PLEKHA6: variants seen among roughly 807,000 people sequenced by gnomAD.
PLEKHA6 encodes the protein pleckstrin homology domain containing A6.
In PLEKHA6, 60 loss-of-function variants were observed where a neutral mutation model predicts 116.7. The ratio of observed to expected loss-of-function variants is 0.51; its 90% confidence interval spans 0.42 to 0.64. The LOEUF (loss-of-function observed/expected upper bound fraction) is 0.64, where lower values mean the gene tolerates loss of function less well. PLEKHA6 is among the 30% of genes least tolerant of loss of function. PLEKHA6 has a pLI of 0.00. For missense variants in PLEKHA6, 1,338 were observed against 1,422.7 expected, an observed-to-expected ratio of 0.94 and a Z score of 0.96; for synonymous variants, 489 against 556.1, an observed-to-expected ratio of 0.88 and a Z score of 1.70.
intron 9 of PLEKHA6, among the ~76,000 whole-genome samples, chr1:204,251,288 G>C (rs138856098): frequency 6.6e-6 from 1 of 152,200 alleles, no homozygotes. Flanking sequence ...GCGATCCCCA[G>C]CATGGCATGA....
chr1:204,351,950 T>G (rs1348836818), intron 1 of PLEKHA6, among the ~76,000 whole-genome samples: 1 of 152,218 alleles, frequency 6.6e-6, no homozygotes, highest in Non-Finnish European at 1.5e-5. Context: ...GGTGCATGTC[T>G]GTAATCCCAA....
At chr1:204,352,247 GC>G (rs2103367025) in intron 1 of PLEKHA6, among the ~76,000 whole-genome samples, 1 of 149,934 alleles carries the variant, frequency 6.7e-6, no homozygotes, top group African/African-American at 2.5e-5. Context: ...GGTGGCGCAT[GC>G]CTTGTAATCC....
At chr1:204,240,188 A>G (rs911988907) in intron 17 of PLEKHA6, among the ~76,000 whole-genome samples, 12 of 152,232 alleles carry the variant, frequency 7.9e-5, no homozygotes, top group African/African-American at 2.9e-4. Context: ...CCATTAGGGC[A>G]TCTCTTAGTA....
intron 1 of PLEKHA6, among the ~76,000 whole-genome samples, chr1:204,293,713 C>T (rs184104219): frequency 6.6e-6 from 1 of 152,124 alleles, no homozygotes; most frequent in African/African-American, 2.4e-5. Context: ...TTTTTGGCAC[C>T]CATTTGGCAA....
intron 1 of PLEKHA6, among the ~76,000 whole-genome samples, chr1:204,324,710 G>A (rs2103242091): frequency 6.6e-6 from 1 of 152,288 alleles, no homozygotes; most frequent in South Asian, 2.1e-4. Context: ...AGTCGATTAG[G>A]ATCCTGGTGT....
intron 1 of PLEKHA6, among the ~76,000 whole-genome samples, chr1:204,336,597 T>C (rs1376622559): frequency 1.3e-5 from 2 of 151,896 alleles, no homozygotes; most frequent in East Asian, 1.9e-4. Context: ...TGCACGCACA[T>C]ACATACACTG....
chr1:204,231,542 T>C (rs1661177880), intron 17 of PLEKHA6, among the ~76,000 whole-genome samples: 1 of 151,574 alleles, frequency 6.6e-6, no homozygotes, highest in African/African-American at 2.4e-5. Context: ...ACAGTTGTTA[T>C]CCTGTATTGT....
At chr1:204,241,332 C>T (rs887892491) in intron 17 of PLEKHA6, 43 bp downstream of exon 17, 6 of 1,259,768 alleles carry the variant, frequency 4.8e-6, no homozygotes, top group Admixed American at 3.6e-5. Flanking sequence ...CCCCTGGGCT[C>T]GCAGCCCAGC....
In PLEKHA6 at chr1:204,250,533, G is replaced by A; in HGVS notation, c.1593+13C>T. On this transcript the variant is annotated intron_variant, in intron 10 of 22. Coordinates refer to ENST00000272203, the MANE Select transcript of PLEKHA6 (RefSeq NM_014935.5). Reference sequence around the variant, plus strand: ...CTGGAGTGGAGGGAGGGAGCAGGGGGCGCTGCTCTTACATCTGTGTCTTGC... The same window carrying A: ...CTGGAGTGGAGGGAGGGAGCAGGGGACGCTGCTCTTACATCTGTGTCTTGC... 2 of 1,591,392 alleles carry A rather than the reference G, an allele frequency of 1.3e-6. No individual in the cohort carries two copies. The highest frequency in any genetic ancestry group is 1.1e-5 in the South Asian group (1 of 90,094).
intron 1 of PLEKHA6, among the ~76,000 whole-genome samples, chr1:204,310,097 G>GT (rs1671603184): frequency 6.6e-6 from 1 of 151,898 alleles, no homozygotes; most frequent in African/African-American, 2.4e-5. Flanking sequence ...TAGGTAGTGG[G>GT]CTGGATGTGG....
intron 1 of PLEKHA6, chr1:204,281,091 G>A (rs1197294102): frequency 5.0e-6 from 3 of 605,968 alleles, no homozygotes; most frequent in African/African-American, 4.0e-5. Context: ...AGAGGCAGAG[G>A]CAGGAGGATC....
chr1:204,365,113 G>A (rs2103401425), intron 3 of PLEKHA6, among the ~76,000 whole-genome samples: 1 of 152,266 alleles, frequency 6.6e-6, no homozygotes, highest in South Asian at 2.1e-4. Flanking sequence ...GATTTGGCAG[G>A]GCTAGAGGAG....
At chr1:204,235,023 G>T (rs11240706) in intron 17 of PLEKHA6, among the ~76,000 whole-genome samples, 68,148 of 106,330 alleles carry the variant, frequency 0.64, 20,819 homozygotes, top group African/African-American at 0.74. Context: ...TCTAATAGCA[G>T]ATATATATAT....
chr1:204,221,621 A>AG lies in PLEKHA6; in HGVS notation c.*1166dup. The AG allele has an allele frequency of 6.6e-6, 1 of 152,606 alleles. No individual in the cohort carries two copies. Among genetic ancestry groups the AG allele is most frequent in the Non-Finnish European group, 1.5e-5 (1 of 68,144 alleles). The allele number at this position is 152,606 out of a possible 1,614,324, so 9.5% of individuals were successfully genotyped here. On this transcript the variant is annotated 3_prime_UTR_variant, in exon 23 of 23. Transcript: ENST00000272203. ...TCTCAGCTGGCCCACTGCACATTCC[A>AG]GGGGGAACAGGGCAAGAAATATCAT...
At chr1:204,359,671 G>A (rs1272632255) in intron 1 of PLEKHA6, 23 bp downstream of exon 1, 1 of 982,570 alleles carries the variant, frequency 1.0e-6, no homozygotes, top group Non-Finnish European at 1.2e-6. Flanking sequence ...CCTCATCTAT[G>A]TGATGCATGA....
chr1:204,333,913 C>T (rs950896518), intron 1 of PLEKHA6, among the ~76,000 whole-genome samples: 1 of 152,228 alleles, frequency 6.6e-6, no homozygotes, highest in Admixed American at 6.5e-5. Flanking sequence ...CTTTATGCTC[C>T]TGATCATTGA....
upstream of PLEKHA6, among the ~76,000 whole-genome samples, chr1:204,360,144 G>A (rs1392034754): frequency 3.3e-5 from 5 of 152,236 alleles, no homozygotes; most frequent in African/African-American, 1.2e-4. Context: ...TCCACCACCA[G>A]GAGAAGGCTG....
rs1291437233 is a variant in PLEKHA6 at position 204,354,345 on chromosome 1, C to T, written c.-95+5349G>A. 3.9e-5 allele frequency among the ~76,000 whole-genome samples: 6 copies of T among 152,190 alleles called. No homozygotes were observed. In the South Asian group the frequency reaches 6.2e-4, roughly 16 times the overall value. On this transcript the variant is annotated intron_variant, in intron 1 of 22. Coordinates refer to ENST00000272203, the MANE Select transcript of PLEKHA6 (RefSeq NM_014935.5). ...TCCAGCTCTATTTCCTGAATTCACA[C>T]GGTGAGGACCAATCCTTTACAGAGA...
At chr1:204,369,478 G>A (rs901471856) in intron 2 of PLEKHA6, 6 of 152,254 alleles carry the variant, frequency 3.9e-5, no homozygotes, top group African/African-American at 1.4e-4. Context: ...CAAGTAGAGG[G>A]ATCCCCATTG....
Sources: gnomAD v4.1 joint callset for allele counts (sites outside exome capture counted in the v4.1 genomes callset) on GRCh38, gnomAD v4.1.1 for gene constraint, MANE v1.5 for transcripts, NCBI Gene and HGNC (gene_info 2026-07-23, HGNC 2026-07-21) for gene names.